The following MYLK variants were observed in gnomAD, a reference collection of about 807,000 sequenced individuals.
MYLK encodes myosin light chain kinase.
In MYLK, 106 loss-of-function variants were observed where a neutral mutation model predicts 203.4. The observed-to-expected ratio is 0.52, with a 90% CI of 0.45 to 0.61. MYLK has a LOEUF of 0.61. MYLK is among the 20% of genes least tolerant of loss of function. The pLI, the probability that MYLK is intolerant of heterozygous loss-of-function variation, is 0.00. For synonymous variants in MYLK, 867 were observed against 959.5 expected (o/e 0.90, Z 1.78); for missense variants, 2,072 against 2,442.3 (o/e 0.85, Z 3.20).
At chr3:123,781,711 C>T (rs1246330770) in intron 4 of MYLK, among the ~76,000 whole-genome samples, 1 of 152,100 alleles carries the variant, frequency 6.6e-6, no homozygotes, top group African/African-American at 2.4e-5. Flanking sequence ...TTTGGTCCAA[C>T]TCTCAGCCTG....
At chr3:123,697,811 C>T (rs2060994565) in intron 18 of MYLK, among the ~76,000 whole-genome samples, 1 of 152,192 alleles carries the variant, frequency 6.6e-6, no homozygotes, top group Admixed American at 6.5e-5. Context: ...CCCTTTCCAC[C>T]TCTCCTGGTC....
intron 20 of MYLK, among the ~76,000 whole-genome samples, chr3:123,675,145 A>G (rs2060032482): frequency 6.6e-6 from 1 of 152,228 alleles, no homozygotes; most frequent in South Asian, 2.1e-4. Flanking sequence ...ACTTTCTATG[A>G]AAAGGATCAG....
chr3:123,635,627 G>A (rs1559994642), intron 29 of MYLK, among the ~76,000 whole-genome samples: 1 of 152,138 alleles, frequency 6.6e-6, no homozygotes, highest in Non-Finnish European at 1.5e-5. Flanking sequence ...CCTAGTTCTT[G>A]GTCTTTGCTT....
Position 123,707,875 on chromosome 3 carries a change from C to A in MYLK, c.2269G>T (p.Asp757Tyr). The A allele has an allele frequency of 6.2e-7, 1 of 1,614,240 alleles. No individual in the cohort carries two copies. Among genetic ancestry groups the A allele is most frequent in the South Asian group, 1.1e-5 (1 of 91,080 alleles). ...GTGTCTTTGCAGAGGGCTTTGCCATCTCTGAGCCAGTGCACGGTAGGAAAG... is the reference window on the plus strand; with the variant it reads ...GTGTCTTTGCAGAGGGCTTTGCCATATCTGAGCCAGTGCACGGTAGGAAAG... ...DPFPTVHWLR[D>Y]GKALCKDTGH... The change falls in exon 16 of 34, where the codon GAT becomes TAT. Residue 757 changes from aspartate to tyrosine, a missense_variant. Coordinates refer to ENST00000360304, the MANE Select transcript of MYLK (RefSeq NM_053025.4).
intron 13 of MYLK, among the ~76,000 whole-genome samples, chr3:123,719,039 G>C (rs910161622): frequency 1.3e-5 from 2 of 152,206 alleles, no homozygotes; most frequent in Non-Finnish European, 2.9e-5. Flanking sequence ...CCAGGATTTG[G>C]AGAAGAAGAG....
intron 20 of MYLK, among the ~76,000 whole-genome samples, chr3:123,678,687 G>A: frequency 6.6e-6 from 1 of 151,978 alleles, no homozygotes; most frequent in East Asian, 1.9e-4. Context: ...ATCACTCATG[G>A]AATCAGAGGT....
At chr3:123,738,437 A>G (rs932143180) in intron 7 of MYLK, among the ~76,000 whole-genome samples, 1 of 152,186 alleles carries the variant, frequency 6.6e-6, no homozygotes, top group Non-Finnish European at 1.5e-5. Context: ...AACAGGAGGA[A>G]CAGAATGGAA....
Position 123,682,255 on chromosome 3 carries a change from C to T in MYLK, c.3621G>A (p.Lys1207=). 2 of 1,603,654 alleles carry T rather than the reference C, an allele frequency of 1.2e-6. No homozygotes were observed. The highest frequency in any genetic ancestry group is 1.7e-6 in the Non-Finnish European group (2 of 1,175,408). Residue 1207 remains lysine, a synonymous_variant, in exon 20 of 34, where the codon AAG becomes AAA. Transcript: ENST00000360304. ...KAPEMKSRRP[K]SSLPPVLGTE... ...TTCCTAGCACGGGAGGAAGAGAGCT[C>T]TTGGGCCTCCGGGATTTCATCTCTG...
In MYLK at chr3:123,618,394, G is replaced by T. The variant is rs1376680982; in HGVS notation, c.5500+245C>A. 9.8e-6 allele frequency: 5 copies of T among 510,620 alleles called. 1 individual carries two copies. The highest frequency in any genetic ancestry group is 5.6e-4 in the Middle Eastern group (1 of 1,796). 31.6% of individuals were successfully genotyped at this position (510,620 alleles called of 1,614,324 possible). A position where few individuals can be genotyped will look rare whatever the true frequency, so the allele number is the denominator to read the frequency against. The stretch of plus-strand genomic sequence containing the variant: ...TCTAAACTTAGGTCTAGTGGCTGAT[G>T]TAAGTAGGTGAAATTTCAAATGTGC... On this transcript the variant is annotated intron_variant, in intron 33 of 33. Coordinates refer to ENST00000360304, the MANE Select transcript of MYLK (RefSeq NM_053025.4).
intron 24 of MYLK, among the ~76,000 whole-genome samples, chr3:123,651,590 T>C (rs1430136423): frequency 6.6e-6 from 1 of 152,186 alleles, no homozygotes; most frequent in Non-Finnish European, 1.5e-5. Flanking sequence ...GACCAGTGTA[T>C]TCCAAGCAGC....
At position 123,739,011 on chromosome 3, in the gene MYLK, C is replaced by A. The variant is rs370158852; in HGVS notation, c.474G>T (p.Glu158Asp). 9.3e-6 allele frequency: 15 copies of A among 1,613,710 alleles called. No individual in the cohort carries two copies. The highest frequency in any genetic ancestry group is 8.0e-5 in the African/African-American group (6 of 74,886). Residue 158 changes from glutamate (E) to aspartate (D), a missense_variant, in exon 7 of 34, where the codon GAG (glutamate) becomes GAT (aspartate). Around this residue, in one of 3 missense-constraint regions of MYLK, gnomAD observed 683 missense variants for 643.8 expected, o/e 1.06. Coordinates refer to ENST00000360304, the MANE Select transcript of MYLK (RefSeq NM_053025.4). ...GCTTGGTAGCAAACTTTGGTGGGCACTCCCCCCAGATGCTAGGACGGGTCT... is the reference window on the plus strand; with the variant it reads ...GCTTGGTAGCAAACTTTGGTGGGCAATCCCCCCAGATGCTAGGACGGGTCT... ...AVETRPSIWG[E>D]CPPKFATKLG...
chr3:123,641,946 C>A (rs1162552601), intron 27 of MYLK, among the ~76,000 whole-genome samples: 2 of 151,808 alleles, frequency 1.3e-5, no homozygotes, highest in Non-Finnish European at 2.9e-5. Context: ...CTTTGAACTC[C>A]TGGGCTCAAG....
At chr3:123,694,008 C>G (rs1257914001) in intron 18 of MYLK, among the ~76,000 whole-genome samples, 1 of 152,170 alleles carries the variant, frequency 6.6e-6, no homozygotes, top group Non-Finnish European at 1.5e-5. Flanking sequence ...GAGTGGACAC[C>G]AACTACTGTC....
chr3:123,709,196 A>T, intron 14 of MYLK: 1 of 230,618 alleles, frequency 4.3e-6, no homozygotes, highest in East Asian at 1.0e-4. Flanking sequence ...GCTGCAGTGC[A>T]GTGGTGCGAT....
At chr3:123,859,600 C>T (rs143351357) in intron 2 of MYLK, among the ~76,000 whole-genome samples, 23 of 152,294 alleles carry the variant, frequency 1.5e-4, no homozygotes, top group African/African-American at 4.6e-4. Context: ...AGCTGTGTCA[C>T]AACACAAGAT....
At chr3:123,877,417 A>G (rs899430358) in intron 1 of MYLK, among the ~76,000 whole-genome samples, 1 of 152,198 alleles carries the variant, frequency 6.6e-6, no homozygotes, top group Non-Finnish European at 1.5e-5. Context: ...TAATACTCCA[A>G]GTGTGAGCTA....
chr3:123,785,060 C>T (rs2064458270), intron 4 of MYLK, among the ~76,000 whole-genome samples: 1 of 152,246 alleles, frequency 6.6e-6, no homozygotes, highest in Non-Finnish European at 1.5e-5. Flanking sequence ...TGCCCTACAT[C>T]CACTCCTAAT....
chr3:123,756,373 G>A (rs534570911), intron 4 of MYLK, among the ~76,000 whole-genome samples: 1 of 152,174 alleles, frequency 6.6e-6, no homozygotes. Flanking sequence ...GACAGGATTG[G>A]TGCCTGCCAG....
intron 2 of MYLK, among the ~76,000 whole-genome samples, chr3:123,840,035 G>T (rs1188723196): frequency 6.6e-6 from 1 of 152,032 alleles, no homozygotes; most frequent in African/African-American, 2.4e-5. Flanking sequence ...CAAATTTGGG[G>T]GGATGCAGGA....
Sources: allele counts gnomAD v4.1 joint callset (sites outside exome capture counted in the v4.1 genomes callset), GRCh38; gene constraint gnomAD v4.1.1; regional missense constraint gnomAD v4.1.1; transcripts MANE v1.5; gene names NCBI Gene and HGNC (gene_info 2026-07-23, HGNC 2026-07-21).